Variants in SORBS2 observed in about 807,000 individuals in gnomAD.
SORBS2 encodes the protein sorbin and SH3 domain-containing protein 2.
In SORBS2, 46 loss-of-function variants were observed where a neutral mutation model predicts 97.7. The ratio of observed to expected loss-of-function variants is 0.47; its 90% CI spans 0.37 to 0.60. The LOEUF is 0.60. Among genes scored for constraint, SORBS2 ranks in the 20% least tolerant of loss-of-function variants. SORBS2 has a pLI of 0.00. For missense variants in SORBS2, 1,316 were observed against 1,282.3 expected, an observed-to-expected ratio of 1.03 and a Z score of -0.40; for synonymous variants, 476 against 473.4, an observed-to-expected ratio of 1.01 and a Z score of -0.07.
intron 12 of SORBS2, among the ~76,000 whole-genome samples, chr4:185,600,841 T>TG (rs764507583): frequency 5.9e-5 from 9 of 152,050 alleles, no homozygotes; most frequent in South Asian, 2.1e-4. Context: ...AAGGCCTTTT[T>TG]GGGGGGAAAC....
At chr4:185,634,588 T>G (rs1471795) in intron 4 of SORBS2, among the ~76,000 whole-genome samples, 109,604 of 151,644 alleles carry the variant, frequency 0.72, 40,046 homozygotes, top group African/African-American at 0.77. Context: ...AGAGAGCAGG[T>G]TAACAAGCTT....
At chr4:185,714,162 G>A (rs1475970097) in intron 2 of SORBS2, among the ~76,000 whole-genome samples, 1 of 152,126 alleles carries the variant, frequency 6.6e-6, no homozygotes, top group African/African-American at 2.4e-5. Context: ...TGAATGATGA[G>A]GCATTGCTTT....
chr4:185,752,556 G>A (rs1316360388), intron 2 of SORBS2, among the ~76,000 whole-genome samples: 1 of 152,108 alleles, frequency 6.6e-6, no homozygotes, highest in African/African-American at 2.4e-5. Flanking sequence ...GATTACAGGC[G>A]TGAGCCACCG....
Position 185,607,407 on chromosome 4 carries a change from A to G in SORBS2, c.2796+4373T>C, listed in dbSNP as rs1000260645. 2 of 932,058 alleles carry G rather than the reference A, an allele frequency of 2.1e-6. No homozygotes were observed. The allele number at this position is 932,058 out of a possible 1,614,324, so 57.7% of individuals were successfully genotyped here. A position where few individuals can be genotyped will look rare whatever the true frequency, so the allele number is the denominator to read the frequency against. ...AAAAATAAACTAAGAAAATAATAAT[A>G]ATGCATCAAAACATAGCGATGGAGA... On this transcript the variant is annotated intron_variant, in intron 12 of 14. Coordinates refer to ENST00000418609, the Ensembl canonical transcript of SORBS2. This position sits in a 1 kb window ranked among gnomAD's most constrained non-coding sequence, Gnocchi z 5.2.
chr4:185,869,356 A>T (rs1561252069), intron 1 of SORBS2, among the ~76,000 whole-genome samples: 1 of 152,112 alleles, frequency 6.6e-6, no homozygotes, highest in Non-Finnish European at 1.5e-5. Context: ...TACAAGGTTT[A>T]TTTTTTTCTA....
chr4:185,889,381 C>T (rs918075218), intron 1 of SORBS2, among the ~76,000 whole-genome samples: 5 of 152,044 alleles, frequency 3.3e-5, no homozygotes, highest in South Asian at 2.1e-4. Flanking sequence ...AGACTGCTTC[C>T]GATGCCTCAC....
intron 1 of SORBS2, among the ~76,000 whole-genome samples, chr4:185,892,001 A>AT (rs1250456597): frequency 6.6e-6 from 1 of 152,016 alleles, no homozygotes; most frequent in Non-Finnish European, 1.5e-5. Flanking sequence ...CACCCAGCTA[A>AT]TTTTTTGTAT....
At chr4:185,654,187 G>A (rs755473302) in intron 1 of SORBS2, among the ~76,000 whole-genome samples, 7 of 152,198 alleles carry the variant, frequency 4.6e-5, no homozygotes, top group Non-Finnish European at 7.3e-5. Context: ...TGAGGTTATT[G>A]ATTGACTATT....
intron 4 of SORBS2, chr4:185,676,976 A>C: frequency 6.5e-7 from 1 of 1,546,296 alleles, no homozygotes; most frequent in South Asian, 1.2e-5. Flanking sequence ...TAATACGAAG[A>C]GACTGAGAAG....
chr4:185,770,286 G>A lies in SORBS2; in HGVS notation c.-198+4941C>T, dbSNP rs142710978. 1.5e-3 allele frequency among the ~76,000 whole-genome samples: 227 copies of A among 152,232 alleles called. 2 individuals are homozygous for A. The East Asian group carries it at 0.026, about 17-fold the overall frequency. ...TTTTGTCTTAGAAGTCTCTCTTTGA[G>A]TTTCTAAATGGACATGACTGCTTAT... On this transcript the variant is annotated intron_variant, in intron 2 of 20. Coordinates refer to the SORBS2 transcript ENST00000284776.
At chr4:185,615,287 A>G (rs907331718) in intron 9 of SORBS2, 128 bp from the exon 22 acceptor site, 9 of 644,586 alleles carry the variant, frequency 1.4e-5, no homozygotes, top group Non-Finnish European at 2.5e-5. Context: ...ATTGATATTG[A>G]GTCCGATTAG....
At position 185,756,926 on chromosome 4, in the gene SORBS2, T is replaced by C. The variant is rs2098835070; in HGVS notation, c.-198+18301A>G. 25 of 1,405,326 alleles carry C rather than the reference T, an allele frequency of 1.8e-5. No individual in the cohort carries two copies. The South Asian group carries it at 2.8e-4, about 16-fold the overall frequency. 87.1% of individuals were successfully genotyped at this position (1,405,326 alleles called of 1,614,324 possible). On this transcript the variant is annotated intron_variant, in intron 2 of 20. Coordinates refer to the SORBS2 transcript ENST00000284776. ...CCTGAATGGTCCATATTGAGTATTT[T>C]CATTTCTGGGTAAGGGAAAAAGCAT...
intron 1 of SORBS2, among the ~76,000 whole-genome samples, chr4:185,942,726 T>C (rs180990255): frequency 1.6e-4 from 24 of 152,308 alleles, no homozygotes; most frequent in Middle Eastern, 3.4e-3. Context: ...CTTTGCCCCT[T>C]ATTTTATCTC....
intron 2 of SORBS2, among the ~76,000 whole-genome samples, chr4:185,720,206 AC>A (rs1169411787): frequency 6.6e-6 from 1 of 152,218 alleles, no homozygotes; most frequent in African/African-American, 2.4e-5. Context: ...ACCAATCTGT[AC>A]TTTTACATGA....
At chr4:185,848,680 A>G (rs1268716959) in intron 1 of SORBS2, among the ~76,000 whole-genome samples, 1 of 125,876 alleles carries the variant, frequency 7.9e-6, no homozygotes. Context: ...GTCTCCATAC[A>G]TTGCTCAGGC....
intron 2 of SORBS2, 96 bp downstream of exon 11, chr4:185,651,688 T>C (rs980946579): frequency 9.1e-6 from 7 of 770,974 alleles, no homozygotes; most frequent in Non-Finnish European, 1.4e-5. Context: ...ACTGAAAACA[T>C]GTGCTCAAAC....
intron 1 of SORBS2, among the ~76,000 whole-genome samples, chr4:185,884,737 A>C (rs191386101): frequency 6.6e-6 from 1 of 152,210 alleles, no homozygotes. Flanking sequence ...TTGACTCCTA[A>C]GAGGTTTCCA....
chr4:185,809,455 CAAAAAAAAAAAA>C (rs55713465), intron 1 of SORBS2, among the ~76,000 whole-genome samples: 39 of 47,290 alleles, frequency 8.2e-4, no homozygotes, highest in Admixed American at 2.0e-3. Flanking sequence ...ACTGCATTTG[CAAAAAAAAAAAA>C]AAAAAAAAAA....
At chr4:185,897,031 C>T (rs1374817206) in intron 1 of SORBS2, among the ~76,000 whole-genome samples, 2 of 152,152 alleles carry the variant, frequency 1.3e-5, no homozygotes, top group Non-Finnish European at 1.5e-5. Context: ...CCCCAGATGA[C>T]AGCCTCAGAA....
Sources: allele counts gnomAD v4.1 joint callset (sites outside exome capture counted in the v4.1 genomes callset), GRCh38; gene constraint gnomAD v4.1.1; non-coding constraint Gnocchi (gnomAD v3.1); transcripts MANE v1.5; gene names NCBI Gene and HGNC (gene_info 2026-07-23, HGNC 2026-07-21).